MCM5: variants seen among roughly 807,000 people sequenced by gnomAD.
The protein encoded by MCM5 is DNA replication licensing factor MCM5.
A neutral mutation model predicts 79.9 loss-of-function variants in MCM5; 46 were observed. The observed-to-expected ratio is 0.58, with a 90% CI of 0.45 to 0.74. The LOEUF is 0.74. MCM5 is among the 30% of genes least tolerant of loss of function. The pLI is 0.00. For missense variants in MCM5, 883 were observed against 1,017.0 expected, an observed-to-expected ratio of 0.87 and a Z score of 1.79; for synonymous variants, 404 against 390.5, an observed-to-expected ratio of 1.03 and a Z score of -0.41.
At chr22:35,404,455 C>G (rs1282743120) in intron 4 of MCM5, among the ~76,000 whole-genome samples, 1 of 152,138 alleles carries the variant, frequency 6.6e-6, no homozygotes, top group Non-Finnish European at 1.5e-5. Flanking sequence ...ATCTGAAGGC[C>G]TCCTTGGGGT....
At position 35,413,932 on chromosome 22, in the gene MCM5, T is replaced by C. The variant is rs775358982; in HGVS notation, c.1149T>C (p.Pro383=). The C allele has an allele frequency of 1.1e-5, 17 of 1,614,148 alleles. No individual in the cohort carries two copies. The highest frequency in any genetic ancestry group is 1.6e-4 in the Middle Eastern group (1 of 6,062). ...GDINLLMLGD[P]GTAKSQLLKF... is the part of the protein sequence containing the mutation. ...TCAACCTGCTGATGCTAGGGGACCC[T>C]GGGACAGCCAAGTCCCAGCTTCTGA... The change falls in exon 9 of 17, where the codon CCT becomes CCC. Residue 383 remains proline (P), a synonymous_variant. Transcript: ENST00000216122.
At chr22:35,421,166 C>A in intron 14 of MCM5, 152 bp from the exon 15 acceptor site, 4 of 535,186 alleles carry the variant, frequency 7.5e-6, no homozygotes, top group East Asian at 3.7e-5. Flanking sequence ...AGTTCTATGA[C>A]TAAGATCAAA....
At chr22:35,419,823 AGGGTAG>A in intron 13 of MCM5, 55 bp from the exon 14 acceptor site, 1 of 1,514,918 alleles carries the variant, frequency 6.6e-7, no homozygotes, top group South Asian at 1.3e-5. Context: ...GCTGGGGGAA[AGGGTAG>A]GTGCCCTAAG....
chr22:35,444,926 A>T, the MCM5 span, among the ~76,000 whole-genome samples: 1 of 152,240 alleles, frequency 6.6e-6, no homozygotes, highest in Non-Finnish European at 1.5e-5. Context: ...TCTCTAAAGA[A>T]TGCCAGTTAT....
At position 35,419,928 on chromosome 22, in the gene MCM5, A is replaced by AGAAACT. The variant is rs763633346; in HGVS notation, c.1751_1752insACTGAA (p.Lys583_Asn584insLysLeu). ...TCAGCAGAGGCTGCAGAGAAACTGA[A>AGAAACT]GAACCGCTACATCATCATGCGGAGC... is the stretch of plus-strand genomic sequence containing the variant. On this transcript the variant is annotated inframe_insertion, in exon 14 of 17. Transcript: ENST00000216122. 6.2e-7 allele frequency: 1 copy of AGAAACT among 1,613,458 alleles called. No individual in the cohort carries two copies. The highest frequency in any genetic ancestry group is 8.5e-7 in the Non-Finnish European group (1 of 1,179,742).
the MCM5 span, among the ~76,000 whole-genome samples, chr22:35,438,137 A>G: frequency 6.6e-6 from 1 of 152,152 alleles, no homozygotes; most frequent in African/African-American, 2.4e-5. Context: ...CCAAAGGGGT[A>G]TGTGTAAATA....
the MCM5 span, among the ~76,000 whole-genome samples, chr22:35,438,285 G>A: frequency 8.1e-4 from 65 of 79,896 alleles, no homozygotes; most frequent in Middle Eastern, 0.013. Flanking sequence ...ATATTCATCC[G>A]TCCATCCACC....
rs111472073 is a variant in MCM5, at chr22:35,420,067, G to A, written c.1832+55G>A. On this transcript the variant is annotated intron_variant, in intron 14 of 16. Coordinates refer to ENST00000216122, the MANE Select transcript of MCM5 (RefSeq NM_006739.4). ...CAGATGGGGCTTGCTTTACACAGCA[G>A]GGTGTGCTTGGCAACCAGGGGCAGT... 25 of 1,536,140 alleles carry A rather than the reference G, an allele frequency of 1.6e-5. No homozygotes were observed. In the African/African-American group the frequency reaches 3.4e-4, roughly 21 times the overall value.
the MCM5 span, among the ~76,000 whole-genome samples, chr22:35,454,205 G>C: frequency 1.3e-5 from 2 of 151,964 alleles, no homozygotes; most frequent in African/African-American, 2.4e-5. Flanking sequence ...CCACCTTCCT[G>C]GCTCCCTCTG....
At chr22:35,405,889 T>C (rs1048294330) in intron 4 of MCM5, among the ~76,000 whole-genome samples, 3 of 151,582 alleles carry the variant, frequency 2.0e-5, no homozygotes, top group Admixed American at 2.0e-4. Context: ...CAGTTACCTG[T>C]AATCCCAGCT....
At chr22:35,450,892 G>C in the MCM5 span, among the ~76,000 whole-genome samples, 1 of 152,088 alleles carries the variant, frequency 6.6e-6, no homozygotes, top group East Asian at 1.9e-4. Context: ...GTTGAGGAGG[G>C]GTCTACCCAC....
At chr22:35,453,527 A>AG in the MCM5 span, among the ~76,000 whole-genome samples, 147 of 151,552 alleles carry the variant, frequency 9.7e-4, no homozygotes, top group African/African-American at 3.2e-3. Flanking sequence ...TCAGAGACAG[A>AG]AAGGGGCAGA....
chr22:35,445,325 CTTTTTTTTTTTTT>C, the MCM5 span, among the ~76,000 whole-genome samples: 1 of 83,628 alleles, frequency 1.2e-5, no homozygotes, highest in Non-Finnish European at 2.1e-5. Context: ...TTTGACTATG[CTTTTTTTTTTTTT>C]TTTTTTTTGA....
At chr22:35,444,652 G>A in the MCM5 span, among the ~76,000 whole-genome samples, 1 of 152,178 alleles carries the variant, frequency 6.6e-6, no homozygotes. Flanking sequence ...GGAGTATGCT[G>A]AAGACAGGCA....
In MCM5 at chr22:35,424,158, A is replaced by G; in HGVS notation, c.2108A>G (p.Tyr703Cys). 6.5e-7 allele frequency: 1 copy of G among 1,549,018 alleles called. No homozygotes were observed. The highest frequency in any genetic ancestry group is 8.7e-7 in the Non-Finnish European group (1 of 1,145,496). Residue 703 changes from tyrosine (Y) to cysteine (C), a missense_variant, in exon 17 of 17, where the codon TAC becomes TGC. Coordinates refer to ENST00000216122, the MANE Select transcript of MCM5 (RefSeq NM_006739.4). Reference sequence around the variant, plus strand: ...GCCAGCCATGTGCTCCCACAGAAATACCCGGAGCACGCCATCCACAAGGTG... The same window carrying G: ...GCCAGCCATGTGCTCCCACAGAAATGCCCGGAGCACGCCATCCACAAGGTG... ...SIIKDFTKQK[Y>C]PEHAIHKVLQ... is the part of the protein sequence containing the mutation.
chr22:35,424,198 G>A lies in MCM5; in HGVS notation c.2148G>A (p.Leu716=). The change falls in exon 17 of 17, where the codon CTG becomes CTA. Residue 716 remains leucine (L), a synonymous_variant. Transcript: ENST00000216122. ...HAIHKVLQLM[L]RRGEIQHRMQ... ...TCCACAAGGTGCTGCAGCTCATGCT[G>A]CGGCGCGGCGAGATCCAGCATCGCA... The A allele has an allele frequency of 6.4e-7, 1 of 1,553,244 alleles. No homozygotes were observed. The highest frequency in any genetic ancestry group is 8.7e-7 in the Non-Finnish European group (1 of 1,147,944).
chr22:35,418,324 T>C (rs1056377307), intron 13 of MCM5, among the ~76,000 whole-genome samples: 1 of 152,198 alleles, frequency 6.6e-6, no homozygotes, highest in African/African-American at 2.4e-5. Flanking sequence ...GAGTCGCAGC[T>C]GCAATTTGAT....
At chr22:35,454,789 T>G in the MCM5 span, among the ~76,000 whole-genome samples, 1 of 152,196 alleles carries the variant, frequency 6.6e-6, no homozygotes, top group East Asian at 1.9e-4. Flanking sequence ...GCCTCTGCAC[T>G]GTGGACATTT....
rs1460823639 is a variant in MCM5 at position 35,403,216 on chromosome 22, C to G, written c.177C>G (p.Leu59=). The part of the protein sequence containing the change: ...TGFTFKYRDE[L]KRHYNLGEYW... ...TATGTGCCCACTCCAGGGATGAACT[C>G]AAGCGGCATTACAACCTGGGGGAGT... The change falls in exon 3 of 17, where the codon CTC becomes CTG. Residue 59 remains leucine, a synonymous_variant. Coordinates refer to ENST00000216122, the MANE Select transcript of MCM5 (RefSeq NM_006739.4). 3 of 1,613,954 alleles carry G rather than the reference C, an allele frequency of 1.9e-6. No homozygotes were observed. The highest frequency in any genetic ancestry group is 2.7e-5 in the African/African-American group (2 of 74,888).
Sources: gnomAD v4.1 joint callset for allele counts (sites outside exome capture counted in the v4.1 genomes callset) on GRCh38, gnomAD v4.1.1 for gene constraint, MANE v1.5 for transcripts, NCBI Gene and HGNC (gene_info 2026-07-23, HGNC 2026-07-21) for gene names.